Variants in AMDHD1 observed in about 807,000 individuals in gnomAD.
AMDHD1 encodes the protein amidohydrolase domain containing 1, also known as probable imidazolonepropionase.
A neutral mutation model predicts 44.1 loss-of-function variants in AMDHD1; 45 were observed. The observed-to-expected ratio is 1.02, with a 90% confidence interval of 0.80 to 1.31. AMDHD1 has a LOEUF of 1.31. Among genes scored for constraint, AMDHD1 ranks in the 50% most tolerant of loss-of-function variants. The pLI is 0.00. For synonymous variants in AMDHD1, 206 were observed against 205.0 expected (o/e 1.00, Z -0.04); for missense variants, 586 against 552.1 (o/e 1.06, Z -0.61).
At chr12:95,951,975 G>T (rs2136761716) in intron 1 of AMDHD1, among the ~76,000 whole-genome samples, 1 of 152,222 alleles carries the variant, frequency 6.6e-6, no homozygotes, top group South Asian at 2.1e-4. Context: ...ATATATTCTG[G>T]TTTTTAATCC....
Position 95,956,791 on chromosome 12 carries a change from A to C in AMDHD1, c.416A>C (p.Gln139Pro). The change falls in exon 4 of 9, where the codon CAG becomes CCG. Residue 139 changes from glutamine to proline, a missense_variant. Transcript: ENST00000266736. ...ATEEELFRSL[Q>P]QRLQCMMRAG... ...GAGGAGGAGCTGTTCCGCTCCTTGC[A>C]GCAACGGCTCCAGTGCATGATGAGG... 6.2e-7 allele frequency: 1 copy of C among 1,614,230 alleles called. No homozygotes were observed. The highest frequency in any genetic ancestry group is 8.5e-7 in the Non-Finnish European group (1 of 1,180,032).
intron 2 of AMDHD1, 78 bp from the exon 3 acceptor site, chr12:95,954,833 G>C: frequency 7.6e-7 from 1 of 1,313,424 alleles, no homozygotes. Flanking sequence ...GAGCAGCAGG[G>C]TATAGTGCTG....
chr12:95,948,290 C>T (rs1341484750), intron 1 of AMDHD1, among the ~76,000 whole-genome samples: 1 of 113,528 alleles, frequency 8.8e-6, no homozygotes, highest in Non-Finnish European at 1.8e-5. Context: ...CCCGGCCAGC[C>T]GCCTCGTCCG....
At chr12:95,956,103 G>GTTTTC (rs1592823463) in intron 3 of AMDHD1, among the ~76,000 whole-genome samples, 1 of 151,818 alleles carries the variant, frequency 6.6e-6, no homozygotes, top group Non-Finnish European at 1.5e-5. Context: ...GTTTTGTTTT[G>GTTTTC]TTTTGTTTGT....
chr12:95,962,789 T>C (rs1370889982), intron 6 of AMDHD1, among the ~76,000 whole-genome samples: 1 of 152,208 alleles, frequency 6.6e-6, no homozygotes, highest in Non-Finnish European at 1.5e-5. Context: ...TGCATTACTT[T>C]TATAATTAGT....
intron 5 of AMDHD1, 40 bp from the exon 6 acceptor site, chr12:95,962,315 C>A: frequency 6.3e-7 from 1 of 1,584,372 alleles, no homozygotes; most frequent in South Asian, 1.1e-5. Context: ...TTCGTTGTTG[C>A]TATTTGTTAA....
chr12:95,953,670 C>T (rs2080535270), intron 2 of AMDHD1, among the ~76,000 whole-genome samples: 1 of 152,178 alleles, frequency 6.6e-6, no homozygotes, highest in African/African-American at 2.4e-5. Context: ...CAACCTCCAC[C>T]TCCCAGGTTC....
At position 95,956,962 on chromosome 12, in the gene AMDHD1, A is replaced by C. The variant is rs1438159862; in HGVS notation, c.587A>C (p.Lys196Thr). Residue 196 changes from lysine (K) to threonine (T), a missense_variant and splice_region_variant, in exon 4 of 9, where the codon AAA (lysine) becomes ACA (threonine). Physicochemically the swap from Lys to Thr is moderately conservative, Grantham distance 78. Coordinates refer to ENST00000266736, the MANE Select transcript of AMDHD1 (RefSeq NM_152435.3). ...ATYCGAHSVPKGKTATEAADD... is the reference protein window; with the variant it reads ...ATYCGAHSVPTGKTATEAADD... ...TACTGCGGGGCTCATTCAGTGCCTAAGTAATCTCAGCCAGTGGGGGCCCGG... is the reference window on the plus strand; with the variant it reads ...TACTGCGGGGCTCATTCAGTGCCTACGTAATCTCAGCCAGTGGGGGCCCGG... The C allele has an allele frequency of 3.7e-6, 6 of 1,611,876 alleles. No homozygotes were observed. The highest frequency in any genetic ancestry group is 1.7e-5 in the Admixed American group (1 of 60,014).
intron 4 of AMDHD1, among the ~76,000 whole-genome samples, chr12:95,959,745 G>C (rs1447796812): frequency 2.0e-5 from 3 of 151,142 alleles, no homozygotes. Flanking sequence ...TCATCAGGGG[G>C]AGTATCCAGG....
rs1316357934 is a variant in AMDHD1, at chr12:95,968,182, T to C, written c.*339T>C. On this transcript the variant is annotated 3_prime_UTR_variant, in exon 9 of 9. Transcript: ENST00000266736. ...CTTGGCTTAAAATTTCCATTTTGTG[T>C]CTGTATTTCACATCTCAGTTTTTAA... The C allele has an allele frequency of 1.1e-5, 2 of 183,162 alleles. No individual in the cohort carries two copies. Among genetic ancestry groups the C allele is most frequent in the East Asian group, 1.7e-4 (1 of 5,962 alleles). The allele number at this position is 183,162 out of a possible 1,614,324, so 11.3% of individuals were successfully genotyped here. A position where few individuals can be genotyped will look rare whatever the true frequency, so the allele number is the denominator to read the frequency against.
chr12:95,945,774 A>C lies in AMDHD1; in HGVS notation c.137+2239A>C, dbSNP rs776447360. Among the ~76,000 whole-genome samples, 55 of 102,650 alleles carry C rather than the reference A, an allele frequency of 5.4e-4. 1 individual carries two copies. Among genetic ancestry groups the C allele is most frequent in the Admixed American group, 1.2e-3 (12 of 9,860 alleles). 67.3% of individuals were successfully genotyped at this position (102,650 alleles called of 152,430 possible). A position where few individuals can be genotyped will look rare whatever the true frequency, so the allele number is the denominator to read the frequency against. On this transcript the variant is annotated intron_variant, in intron 1 of 8. Coordinates refer to ENST00000266736, the MANE Select transcript of AMDHD1 (RefSeq NM_152435.3). Reference sequence around the variant, plus strand: ...AAAGCCCAGAATTGGATGGATTTTAACAGTGTGTGTTTTTTTTTTTCCCAA... The same window carrying C: ...AAAGCCCAGAATTGGATGGATTTTACCAGTGTGTGTTTTTTTTTTTCCCAA...
intron 1 of AMDHD1, among the ~76,000 whole-genome samples, chr12:95,944,208 C>T (rs1392610799): frequency 2.0e-5 from 3 of 152,042 alleles, no homozygotes; most frequent in African/African-American, 4.8e-5. Context: ...GAATCCAAAG[C>T]GTGCCATGGG....
In AMDHD1 at chr12:95,965,707, G is replaced by T; in HGVS notation, c.960G>T (p.Arg320Ser). Residue 320 changes from arginine to serine, a missense_variant, in exon 7 of 9, where the codon AGG becomes AGT. Transcript: ENST00000266736. ...YMLRLKQPRA[R>S]KMLDEGVIVA... ...TTAGACTGAAACAACCTCGAGCCAG[G>T]AAGATGTTAGATGAAGGAGTAATAG... The T allele has an allele frequency of 6.2e-7, 1 of 1,612,686 alleles. No homozygotes were observed. The highest frequency in any genetic ancestry group is 2.2e-5 in the East Asian group (1 of 44,788).
rs2080527924 is a variant in AMDHD1 at position 95,952,062 on chromosome 12, TGCTGTACA to T, written c.138-653_138-646del. The stretch of plus-strand genomic sequence containing the variant: ...TCTTCACATTGTTGATTATTTTCTT[TGCTGTACA>T]GAAGGCTTTTACCTTGAAGTGATCC... On this transcript the variant is annotated intron_variant, in intron 1 of 8. Transcript: ENST00000266736. Among the ~76,000 whole-genome samples the T allele has an allele frequency of 2.0e-5, 3 of 152,202 alleles. No homozygotes were observed. In the South Asian group the frequency reaches 6.2e-4, roughly 32 times the overall value.
At chr12:95,967,629 A>G (rs2080617899) in intron 8 of AMDHD1, 127 bp from the exon 9 acceptor site, 2 of 718,912 alleles carry the variant, frequency 2.8e-6, no homozygotes, top group Admixed American at 6.7e-5. Context: ...AGAAAGCCCA[A>G]ATACCATTGA....
chr12:95,950,280 A>G (rs1186140607), intron 1 of AMDHD1, among the ~76,000 whole-genome samples: 2 of 152,176 alleles, frequency 1.3e-5, no homozygotes, highest in Non-Finnish European at 2.9e-5. Flanking sequence ...ATTCCACCCT[A>G]AGTTTATCCT....
rs373316462 is a variant in AMDHD1 at position 95,956,861 on chromosome 12, C to T, written c.486C>T (p.Asp162=). Residue 162 remains aspartate, a synonymous_variant, in exon 4 of 9, where the codon GAC becomes GAT. Transcript: ENST00000266736. Reference sequence around the variant, plus strand: ...AGTGCAAGAGTGGATATGGCCTCGACCTGGAGACCGAGCTCAAGATGCTGC... The same window carrying T: ...AGTGCAAGAGTGGATATGGCCTCGATCTGGAGACCGAGCTCAAGATGCTGC... ...LVECKSGYGL[D]LETELKMLRV... is the part of the protein sequence containing the mutation. The T allele has an allele frequency of 1.9e-6, 3 of 1,614,192 alleles. No homozygotes were observed. The highest frequency in any genetic ancestry group is 2.5e-6 in the Non-Finnish European group (3 of 1,180,046).
At chr12:95,946,063 G>C (rs7309808) in intron 1 of AMDHD1, among the ~76,000 whole-genome samples, 163 of 116,708 alleles carry the variant, frequency 1.4e-3, no homozygotes, top group Middle Eastern at 4.0e-3. Context: ...CTTTCTCTCT[G>C]TGTGTGTGTG....
rs571699047 is a variant in AMDHD1, at chr12:95,967,740, T to G, written c.1194-16T>G. The stretch of plus-strand genomic sequence containing the variant: ...CACATTGAAGTAATATTTGTTGTTT[T>G]TTTTTTTTTTTCTAGATGGGAGCAT... On this transcript the variant is annotated splice_polypyrimidine_tract_variant and intron_variant, in intron 8 of 8. Transcript: ENST00000266736. 60 of 1,529,886 alleles carry G rather than the reference T, an allele frequency of 3.9e-5. No individual in the cohort carries two copies. In the South Asian group the frequency reaches 4.3e-4, roughly 11 times the overall value. 94.8% of individuals were successfully genotyped at this position (1,529,886 alleles called of 1,614,324 possible).
Sources: gnomAD v4.1 joint callset for allele counts (sites outside exome capture counted in the v4.1 genomes callset) on GRCh38, gnomAD v4.1.1 for gene constraint, MANE v1.5 for transcripts, NCBI Gene and HGNC (gene_info 2026-07-23, HGNC 2026-07-21) for gene names.